The following DNASE1 variants were observed in gnomAD, a reference collection of about 807,000 sequenced individuals.
The protein encoded by DNASE1 is deoxyribonuclease 1, also known as deoxyribonuclease-1.
Under a neutral mutation model 33.9 loss-of-function variants are expected in DNASE1, and 40 were observed. The observed-to-expected ratio is 1.18, with a 90% confidence interval of 0.92 to 1.54. The LOEUF (loss-of-function observed/expected upper bound fraction) is 1.54. DNASE1 is among the 40% of genes most tolerant of loss of function. DNASE1 has a pLI of 0.00. For synonymous variants in DNASE1, 216 were observed against 160.0 expected (o/e 1.35, Z -2.64); for missense variants, 518 against 372.6 (o/e 1.39, Z -3.21).
upstream of DNASE1, chr16:3,651,404 C>T (rs2034104575): frequency 6.6e-6 from 1 of 152,196 alleles, no homozygotes; most frequent in Admixed American, 6.5e-5. Flanking sequence ...AGCTTTTCTC[C>T]TCGTTGCCGT....
exon 10 of DNASE1, chr16:3,664,408 GCCCGGAGGGCAGC>G (rs2050777539): frequency 6.2e-7 from 1 of 1,611,612 alleles, no homozygotes; most frequent in South Asian, 1.1e-5. Context: ...CTGGTTAGCT[GCCCGGAGGGCAGC>G]GCCGAGGACT....
chr16:3,617,284 C>T (rs1005459952), intron 1 of DNASE1, among the ~76,000 whole-genome samples: 2 of 139,304 alleles, frequency 1.4e-5, no homozygotes, highest in African/African-American at 5.7e-5. Context: ...CGAGATCGCA[C>T]CACTACGCTC....
At chr16:3,634,952 AC>A (rs61233868) in intron 1 of DNASE1, among the ~76,000 whole-genome samples, 1 of 151,802 alleles carries the variant, frequency 6.6e-6, no homozygotes, top group African/African-American at 2.4e-5. Flanking sequence ...GGGCTTATTC[AC>A]CCCTCCTTAG....
intron 1 of DNASE1, among the ~76,000 whole-genome samples, chr16:3,643,911 C>T (rs1179709477): frequency 6.6e-6 from 1 of 152,098 alleles, no homozygotes; most frequent in Non-Finnish European, 1.5e-5. Context: ...CAGGCGCCCG[C>T]CATCATGCCC....
At chr16:3,651,406 C>T (rs904209604), upstream of DNASE1, 1 of 152,236 alleles carries the variant, frequency 6.6e-6, no homozygotes, top group Non-Finnish European at 1.5e-5. Flanking sequence ...CTTTTCTCCT[C>T]GTTGCCGTTG....
chr16:3,643,863 G>A (rs1596613109), intron 1 of DNASE1, among the ~76,000 whole-genome samples: 3 of 152,056 alleles, frequency 2.0e-5, no homozygotes, highest in Admixed American at 2.0e-4. Context: ...CCGGGTTCAC[G>A]CCATTCTCCT....
intron 1 of DNASE1, among the ~76,000 whole-genome samples, chr16:3,635,524 A>G (rs2041843607): frequency 6.6e-6 from 1 of 151,406 alleles, no homozygotes; most frequent in Non-Finnish European, 1.5e-5. Flanking sequence ...TTATTCTCTA[A>G]TGCTCTTCCT....
At chr16:3,648,982 G>T (rs933139541) in intron 1 of DNASE1, among the ~76,000 whole-genome samples, 1 of 151,952 alleles carries the variant, frequency 6.6e-6, no homozygotes, top group Non-Finnish European at 1.5e-5. Context: ...TGCCATCTAC[G>T]ATTTCCCAGT....
upstream of DNASE1, chr16:3,651,988 C>A (rs1326365498): frequency 3.9e-5 from 6 of 152,432 alleles, no homozygotes; most frequent in African/African-American, 1.4e-4. Context: ...GAAGGCCCAA[C>A]AGTGATCCCA....
upstream of DNASE1, among the ~76,000 whole-genome samples, chr16:3,650,205 A>AAGCATC (rs1200913128): frequency 6.6e-6 from 1 of 152,220 alleles, no homozygotes; most frequent in Non-Finnish European, 1.5e-5. Context: ...CATACTTTGA[A>AAGCATC]ATCATCACCC....
In DNASE1 at chr16:3,656,056, T is replaced by C. The variant is rs376402017; in HGVS notation, c.237-46T>C. 91 of 1,605,574 alleles carry C rather than the reference T, an allele frequency of 5.7e-5. No individual in the cohort carries two copies. In the African/African-American group the frequency reaches 1.1e-3, roughly 20 times the overall value. ...GCCTCGCTATCGGCAGCCAGAGGGG[T>C]CCCCTATGGCCCCCGCCACTGGGAC... On this transcript the variant is annotated intron_variant, in intron 3 of 8. Transcript: ENST00000246949.
chr16:3,626,557 A>G (rs111771607), intron 1 of DNASE1, among the ~76,000 whole-genome samples: 45 of 152,342 alleles, frequency 3.0e-4, no homozygotes, highest in African/African-American at 1.0e-3. Flanking sequence ...AATATAGTCC[A>G]TCTTGAGTGC....
At chr16:3,643,312 A>C (rs1013690186) in intron 1 of DNASE1, among the ~76,000 whole-genome samples, 3 of 152,258 alleles carry the variant, frequency 2.0e-5, no homozygotes, top group African/African-American at 7.2e-5. Context: ...CTTAGGGCAG[A>C]GGAGCAGAAA....
chr16:3,656,884 C>G, intron 5 of DNASE1, 115 bp from the exon 6 acceptor site: 1 of 1,544,932 alleles, frequency 6.5e-7, no homozygotes, highest in Admixed American at 2.0e-5. Context: ...CCATTCAAGT[C>G]ATTTGGAAAA....
At position 3,643,200 on chromosome 16, in the gene DNASE1, G is replaced by A. The variant is rs928857589; in HGVS notation, c.-86+164G>A. Among the ~76,000 whole-genome samples, 18 of 152,346 alleles carry A rather than the reference G, an allele frequency of 1.2e-4. No individual in the cohort carries two copies. The East Asian group carries it at 2.5e-3, about 21-fold the overall frequency. On this transcript the variant is annotated intron_variant, in intron 1 of 9. Transcript: ENST00000407479. The stretch of plus-strand genomic sequence containing the variant: ...ACCAAGATAGGGGCTCAGGGCTGCC[G>A]AGGCGGCTGGACCTGAGGGGCCAAG...
intron 1 of DNASE1, among the ~76,000 whole-genome samples, chr16:3,644,004 G>A (rs2042099318): frequency 6.6e-6 from 1 of 152,152 alleles, no homozygotes; most frequent in African/African-American, 2.4e-5. Flanking sequence ...GCCTCCCAAA[G>A]TGCTGGCATT....
chr16:3,655,563 G>T (rs558272236), intron 2 of DNASE1, 43 bp downstream of exon 2: 1 of 1,613,176 alleles, frequency 6.2e-7, no homozygotes, highest in Non-Finnish European at 8.5e-7. Flanking sequence ...AGGAGCTCTG[G>T]AGTCTAGGGC....
downstream of DNASE1, chr16:3,662,592 G>T: frequency 1.6e-6 from 1 of 622,978 alleles, no homozygotes; most frequent in Non-Finnish European, 3.0e-6. Context: ...CCCTTGTTTG[G>T]AACCCCCACG....
downstream of DNASE1, chr16:3,662,931 A>G (rs2043168633): frequency 6.2e-7 from 1 of 1,612,710 alleles, no homozygotes; most frequent in Non-Finnish European, 8.5e-7. Flanking sequence ...CCAGGCCATG[A>G]GCTCCTCCGT....
Sources: gnomAD v4.1 joint callset for allele counts (sites outside exome capture counted in the v4.1 genomes callset) on GRCh38, gnomAD v4.1.1 for gene constraint, MANE v1.5 for transcripts, NCBI Gene and HGNC (gene_info 2026-07-23, HGNC 2026-07-21) for gene names.